Variants in ASIC1 observed in about 807,000 individuals in gnomAD.
ASIC1 encodes the protein acid sensing ion channel subunit 1.
Under a neutral mutation model 63.4 loss-of-function variants are expected in ASIC1, and 21 were observed. The ratio of observed to expected loss-of-function variants is 0.33; its 90% CI spans 0.23 to 0.48. The LOEUF is 0.48. ASIC1 is among the 20% of genes least tolerant of loss of function. The pLI, the probability that ASIC1 is intolerant of heterozygous loss-of-function variation, is 0.99. For synonymous variants in ASIC1, 258 were observed against 278.2 expected, an observed-to-expected ratio of 0.93 and a Z score of 0.72; for missense variants, 478 against 695.5, an observed-to-expected ratio of 0.69 and a Z score of 3.52.
intron 7 of ASIC1, 47 bp downstream of exon 7, chr12:50,079,027 G>A: frequency 6.3e-7 from 1 of 1,582,092 alleles, no homozygotes. Context: ...AAAAGGTGCT[G>A]CCAGCCACGT....
intron 3 of ASIC1, among the ~76,000 whole-genome samples, chr12:50,069,611 A>G (rs1293418845): frequency 6.6e-6 from 1 of 152,146 alleles, no homozygotes; most frequent in African/African-American, 2.4e-5. Context: ...TATTCTTTAG[A>G]CTGTAATTCA....
At position 50,083,319 on chromosome 12, in the gene ASIC1, C is replaced by T. The variant is rs562892452; in HGVS notation, c.*1670C>T. On this transcript the variant is annotated 3_prime_UTR_variant, in exon 12 of 12. Coordinates refer to ENST00000447966, the MANE Select transcript of ASIC1 (RefSeq NM_001095.4). Reference sequence around the variant, plus strand: ...GTGGAGGGCCTGCCCCCCCTCCCTCCACCAGACACTCCTTCCAGGCCTGAG... The same window carrying T: ...GTGGAGGGCCTGCCCCCCCTCCCTCTACCAGACACTCCTTCCAGGCCTGAG... The T allele has an allele frequency of 6.6e-6, 1 of 152,438 alleles. No individual in the cohort carries two copies. The highest frequency in any genetic ancestry group is 2.1e-4 in the South Asian group (1 of 4,828). The allele number at this position is 152,438 out of a possible 1,614,324, so 9.4% of individuals were successfully genotyped here. A position where few individuals can be genotyped will look rare whatever the true frequency, so the allele number is the denominator to read the frequency against.
At position 50,059,831 on chromosome 12, in the gene ASIC1, C is replaced by T. The variant is rs765319446; in HGVS notation, c.435C>T (p.Arg145=). Residue 145 remains arginine, a synonymous_variant, in exon 3 of 12, where the codon CGC becomes CGT. Coordinates refer to ENST00000447966, the MANE Select transcript of ASIC1 (RefSeq NM_001095.4). The surrounding 1 kb of genome is among the most constrained non-coding windows in gnomAD (Gnocchi z 4.6). ...TACTGCAGGACAAAGCCAACTTCCG[C>T]AGCTTCAAACCCAAACCCTTCAACA... ...LEILQDKANF[R]SFKPKPFNMR... 2 of 1,614,194 alleles carry T rather than the reference C, an allele frequency of 1.2e-6. No homozygotes were observed. Among genetic ancestry groups the T allele is most frequent in the Non-Finnish European group, 1.7e-6 (2 of 1,180,024 alleles).
chr12:50,069,185 C>T (rs1005171075), intron 3 of ASIC1, among the ~76,000 whole-genome samples: 4 of 146,058 alleles, frequency 2.7e-5, no homozygotes, highest in Admixed American at 6.7e-5. Flanking sequence ...AGCGCTAGTG[C>T]GCACGTGCAC....
At chr12:50,075,843 G>A (rs533510375) in intron 3 of ASIC1, among the ~76,000 whole-genome samples, 1 of 152,314 alleles carries the variant, frequency 6.6e-6, no homozygotes, top group South Asian at 2.1e-4. Flanking sequence ...GAGGCTGTGG[G>A]GAAAAGGCCA....
intron 3 of ASIC1, among the ~76,000 whole-genome samples, chr12:50,075,087 A>G (rs1950641324): frequency 6.6e-6 from 1 of 151,536 alleles, no homozygotes. Flanking sequence ...TCCTAAGTTC[A>G]TCTTCCAGGT....
At chr12:50,080,862 G>A (rs1950708409) in intron 9 of ASIC1, 1 of 866,166 alleles carries the variant, frequency 1.2e-6, no homozygotes, top group Non-Finnish European at 1.8e-6. Context: ...TAAGAGGGTT[G>A]TGGTATTTTG....
At chr12:50,076,563 A>G (rs1367814097) in intron 3 of ASIC1, among the ~76,000 whole-genome samples, 1 of 152,056 alleles carries the variant, frequency 6.6e-6, no homozygotes, top group Non-Finnish European at 1.5e-5. Flanking sequence ...GGAGGGCCTC[A>G]GGAGCTTGGG....
At chr12:50,068,468 T>C (rs1458857714) in intron 3 of ASIC1, among the ~76,000 whole-genome samples, 1 of 151,984 alleles carries the variant, frequency 6.6e-6, no homozygotes, top group African/African-American at 2.4e-5. Context: ...TTTTTCTATC[T>C]TTTTTTTAAA....
At position 50,058,746 on chromosome 12, in the gene ASIC1, C is replaced by T. The variant is rs1437124519; in HGVS notation, c.-16-5C>T. ...ATGATAGACTGTCCCTCCCTCCTCC[C>T]CCAGGATCCCCTCAACAAGGATGGA... On this transcript the variant is annotated splice_polypyrimidine_tract_variant and splice_region_variant and intron_variant, in intron 1 of 11. Coordinates refer to ENST00000447966, the MANE Select transcript of ASIC1 (RefSeq NM_001095.4). 4 of 1,558,256 alleles carry T rather than the reference C, an allele frequency of 2.6e-6. No individual in the cohort carries two copies. The South Asian group carries it at 4.9e-5, about 19-fold the overall frequency.
intron 3 of ASIC1, among the ~76,000 whole-genome samples, chr12:50,067,217 A>G (rs1331908272): frequency 1.3e-5 from 2 of 151,862 alleles, no homozygotes; most frequent in Non-Finnish European, 2.9e-5. Flanking sequence ...CACTGTTTCT[A>G]TTTCCTCATC....
chr12:50,081,179 G>GAGGTAAGC lies in ASIC1; in HGVS notation c.1376_1377+6dup, dbSNP rs1335473211. ...GCTGGAGCTCTTTGACTACGCCTACGAGGTAAGCGGGGGCGAGGCCCGGCA... is the reference window on the plus strand; with the variant it reads ...GCTGGAGCTCTTTGACTACGCCTACGAGGTAAGCAGGTAAGCGGGGGCGAGGCCCGGCA... On this transcript the variant is annotated frameshift_variant and splice_region_variant, in exon 10 of 12. Transcript: ENST00000447966. LOFTEE classifies it high-confidence loss of function. The GAGGTAAGC allele has an allele frequency of 5.6e-6, 9 of 1,611,346 alleles. No individual in the cohort carries two copies. Among genetic ancestry groups the GAGGTAAGC allele is most frequent in the Non-Finnish European group, 7.6e-6 (9 of 1,178,964 alleles).
chr12:50,065,239 C>T (rs1415087538), intron 3 of ASIC1, among the ~76,000 whole-genome samples: 3 of 152,220 alleles, frequency 2.0e-5, no homozygotes, highest in African/African-American at 7.2e-5. Context: ...AAGCCTCTAC[C>T]TTCTGACCTA....
intron 3 of ASIC1, among the ~76,000 whole-genome samples, chr12:50,064,124 C>T (rs1950524885): frequency 6.6e-6 from 1 of 152,072 alleles, no homozygotes; most frequent in Admixed American, 6.6e-5. Flanking sequence ...AAGAGGCCGA[C>T]CTGGAGACAG....
At position 50,078,289 on chromosome 12, in the gene ASIC1, T is replaced by C; in HGVS notation, c.838-132T>C. On this transcript the variant is annotated intron_variant, in intron 5 of 11. Transcript: ENST00000447966. This position sits in a 1 kb window ranked among gnomAD's most constrained non-coding sequence, Gnocchi z 6.0. ...GAATGAACAAGAATGCTCTGTAAAC[T>C]CTGAGACCTTTGGAGGCTGCAGAGG... 1 of 1,511,128 alleles carries C rather than the reference T, an allele frequency of 6.6e-7. No individual in the cohort carries two copies. The allele number at this position is 1,511,128 out of a possible 1,614,324, so 93.6% of individuals were successfully genotyped here. A position where few individuals can be genotyped will look rare whatever the true frequency, so the allele number is the denominator to read the frequency against.
At chr12:50,072,839 T>C (rs572893446) in intron 3 of ASIC1, among the ~76,000 whole-genome samples, 1 of 151,528 alleles carries the variant, frequency 6.6e-6, no homozygotes, top group Admixed American at 6.6e-5. Context: ...CCAAAATACA[T>C]CTCAGCATAG....
intron 4 of ASIC1, among the ~76,000 whole-genome samples, chr12:50,077,689 G>A (rs1485895906): frequency 2.0e-5 from 3 of 152,038 alleles, no homozygotes; most frequent in Non-Finnish European, 4.4e-5. Flanking sequence ...GGGGGAAAAG[G>A]GAAAAAGGGA....
intron 1 of ASIC1, 137 bp from the exon 2 acceptor site, chr12:50,058,614 C>A: frequency 1.7e-6 from 2 of 1,178,292 alleles, no homozygotes; most frequent in Non-Finnish European, 2.3e-6. Context: ...CACCTCTGGG[C>A]TTGCAAAGCA....
chr12:50,073,687 G>C (rs1030541063), intron 3 of ASIC1: 1 of 1,536,510 alleles, frequency 6.5e-7, no homozygotes, highest in Admixed American at 2.0e-5. Context: ...GCAGCAGCAG[G>C]ACATCTCAGA....
Sources: gnomAD v4.1 joint callset for allele counts (sites outside exome capture counted in the v4.1 genomes callset) on GRCh38, gnomAD v4.1.1 for gene constraint, Gnocchi (gnomAD v3.1) non-coding constraint, MANE v1.5 for transcripts, NCBI Gene and HGNC (gene_info 2026-07-23, HGNC 2026-07-21) for gene names.